The following STAG1 variants were observed in gnomAD, a reference collection of about 807,000 sequenced individuals.
STAG1 encodes the protein STAG1 cohesin complex component, also known as cohesin subunit SA-1.
A neutral mutation model predicts 170.9 loss-of-function variants in STAG1; 26 were observed. That is an observed-to-expected ratio of 0.15 (90% CI 0.11 to 0.21). The LOEUF (loss-of-function observed/expected upper bound fraction) is 0.21, where lower values mean the gene tolerates loss of function less well. STAG1 is among the 10% of genes least tolerant of loss of function. STAG1 has a pLI of 1.00. For synonymous variants in STAG1, 514 were observed against 497.7 expected (o/e 1.03, Z -0.44); for missense variants, 964 against 1,509.5 (o/e 0.64, Z 5.99).
At chr3:136,540,838 A>AAAAAAAAAAAC (rs1935857406) in intron 6 of STAG1, among the ~76,000 whole-genome samples, 1 of 148,844 alleles carries the variant, frequency 6.7e-6, no homozygotes, top group Non-Finnish European at 1.5e-5. Flanking sequence ...AAAAAAAAAA[A>AAAAAAAAAAAC]AAAAAAAAAA....
intron 6 of STAG1, among the ~76,000 whole-genome samples, chr3:136,528,501 C>CG (rs1553740697): frequency 2.8e-5 from 4 of 141,168 alleles, no homozygotes; most frequent in South Asian, 2.2e-4. Flanking sequence ...CGCACCCCCC[C>CG]CCCCAAAAAA....
intron 22 of STAG1, 30 bp from the exon 23 acceptor site, chr3:136,377,782 G>A (rs371618462): frequency 3.1e-5 from 48 of 1,567,420 alleles, no homozygotes; most frequent in Non-Finnish European, 4.1e-5. Context: ...TTGCAAGCGT[G>A]AATTACAGGA....
At chr3:136,570,685 A>T (rs1337610100) in intron 4 of STAG1, among the ~76,000 whole-genome samples, 2 of 152,226 alleles carry the variant, frequency 1.3e-5, no homozygotes, top group Admixed American at 1.3e-4. Context: ...AGATTTTCAG[A>T]TGCTCTACAT....
intron 1 of STAG1, among the ~76,000 whole-genome samples, chr3:136,696,894 G>C (rs540548070): frequency 2.0e-5 from 3 of 152,220 alleles, no homozygotes; most frequent in African/African-American, 7.2e-5. Context: ...ATCAAAAAGG[G>C]TATGAGGGAA....
chr3:136,396,520 CT>C (rs146270857), intron 22 of STAG1, among the ~76,000 whole-genome samples: 86 of 43,654 alleles, frequency 2.0e-3, no homozygotes, highest in African/African-American at 7.4e-3. Flanking sequence ...CGCGCCTGGC[CT>C]TTTTTTTTTT....
intron 20 of STAG1, 31 bp downstream of exon 20, chr3:136,421,062 C>A: frequency 6.9e-7 from 1 of 1,441,620 alleles, no homozygotes; most frequent in South Asian, 1.2e-5. Flanking sequence ...TGAGCCACCT[C>A]GTTGCCTTTA....
At chr3:136,745,287 C>G (rs868598085) in intron 1 of STAG1, among the ~76,000 whole-genome samples, 7 of 152,144 alleles carry the variant, frequency 4.6e-5, no homozygotes, top group African/African-American at 1.7e-4. Flanking sequence ...AATACATACA[C>G]CTACTATGGA....
intron 1 of STAG1, among the ~76,000 whole-genome samples, chr3:136,695,044 T>G (rs1173035149): frequency 1.3e-5 from 2 of 152,204 alleles, no homozygotes; most frequent in Admixed American, 1.3e-4. Flanking sequence ...TTAAATGCAT[T>G]TGGATGCCTG....
At chr3:136,343,526 T>C (rs1002095669) in intron 30 of STAG1, among the ~76,000 whole-genome samples, 2 of 152,176 alleles carry the variant, frequency 1.3e-5, no homozygotes, top group African/African-American at 2.4e-5. Context: ...GCCTAGGAAG[T>C]AACCTGCATT....
chr3:136,441,662 G>C (rs1246088351), intron 15 of STAG1, among the ~76,000 whole-genome samples: 30 of 152,086 alleles, frequency 2.0e-4, no homozygotes, highest in Admixed American at 2.0e-3. Context: ...CCGGTAATCT[G>C]CATGGGTAGT....
rs982831095 is a variant in STAG1, at chr3:136,502,147, G to C, written c.828+481C>G. Among the ~76,000 whole-genome samples, 20 of 151,558 alleles carry C rather than the reference G, an allele frequency of 1.3e-4. 1 individual carries two copies. ...GAGTTGAGATCGCACCATTGCACTCGAGCCTGGGCAACAAGAGCGAAACTC... is the reference window on the plus strand; with the variant it reads ...GAGTTGAGATCGCACCATTGCACTCCAGCCTGGGCAACAAGAGCGAAACTC... On this transcript the variant is annotated intron_variant, in intron 8 of 33. Transcript: ENST00000383202.
intron 1 of STAG1, among the ~76,000 whole-genome samples, chr3:136,708,393 G>A (rs887165652): frequency 6.6e-6 from 1 of 151,638 alleles, no homozygotes; most frequent in Non-Finnish European, 1.5e-5. Context: ...TTATTTATAA[G>A]AAATATAATA....
At chr3:136,737,043 T>C in intron 1 of STAG1, 1 of 1,431,506 alleles carries the variant, frequency 7.0e-7, no homozygotes, top group Non-Finnish European at 9.8e-7. Flanking sequence ...CATCTGTAAC[T>C]TCAGGATCTG....
chr3:136,574,093 T>C (rs1937363928), intron 4 of STAG1, among the ~76,000 whole-genome samples: 1 of 151,438 alleles, frequency 6.6e-6, no homozygotes, highest in South Asian at 2.1e-4. Flanking sequence ...TACCAAAAAT[T>C]AGGTGGGCAT....
intron 7 of STAG1, among the ~76,000 whole-genome samples, chr3:136,514,698 G>A (rs1305704169): frequency 6.6e-6 from 1 of 152,202 alleles, no homozygotes; most frequent in Non-Finnish European, 1.5e-5. Flanking sequence ...TTAAGAAAAT[G>A]TGGCACATAT....
At chr3:136,466,023 C>T (rs562037843) in intron 12 of STAG1, among the ~76,000 whole-genome samples, 41 of 152,146 alleles carry the variant, frequency 2.7e-4, no homozygotes, top group African/African-American at 7.2e-4. Context: ...TCATCAAAGA[C>T]CAAAGGTAGA....
chr3:136,508,742 TCA>T, intron 7 of STAG1, among the ~76,000 whole-genome samples: 1 of 152,364 alleles, frequency 6.6e-6, no homozygotes, highest in South Asian at 2.1e-4. Context: ...TCCACAGATC[TCA>T]GACTCAAGAC....
chr3:136,347,091 A>G (rs1936253405), intron 29 of STAG1, among the ~76,000 whole-genome samples: 2 of 150,476 alleles, frequency 1.3e-5, no homozygotes, highest in African/African-American at 4.9e-5. Flanking sequence ...TAAAAAAAAA[A>G]AAAAAGAAAA....
intron 13 of STAG1, among the ~76,000 whole-genome samples, chr3:136,454,339 C>A (rs931114507): frequency 7.9e-5 from 12 of 151,628 alleles, no homozygotes; most frequent in African/African-American, 2.7e-4. Flanking sequence ...CTCAGCCTCC[C>A]AAAGTGCTGG....
Sources: allele counts gnomAD v4.1 joint callset (sites outside exome capture counted in the v4.1 genomes callset), GRCh38; gene constraint gnomAD v4.1.1; transcripts MANE v1.5; gene names NCBI Gene and HGNC (gene_info 2026-07-23, HGNC 2026-07-21).